CAMKMT: variants seen among roughly 807,000 people sequenced by gnomAD.
The protein encoded by CAMKMT is CaM KMT.
In CAMKMT, 53 loss-of-function variants were observed where a neutral mutation model predicts 48.0. That is an observed-to-expected ratio of 1.10 (90% CI 0.89 to 1.39). The LOEUF is 1.39. Among genes scored for constraint, CAMKMT ranks in the 40% most tolerant of loss-of-function variants. The probability of loss-of-function intolerance (pLI) is 0.00; values close to 1 mark genes in which losing one functional copy is unlikely to be tolerated. For synonymous variants in CAMKMT, 165 were observed against 152.3 expected, an observed-to-expected ratio of 1.08 and a Z score of -0.61; for missense variants, 428 against 402.7, an observed-to-expected ratio of 1.06 and a Z score of -0.54.
chr2:44,561,533 A>G (rs72881162), intron 3 of CAMKMT, among the ~76,000 whole-genome samples: 3,525 of 152,280 alleles, frequency 0.023, 124 homozygotes, highest in African/African-American at 0.074. Context: ...ACATTTCCCA[A>G]TATAATTCTT....
At chr2:44,707,552 G>A in intron 6 of CAMKMT, 90 bp downstream of exon 6, 1 of 1,089,556 alleles carries the variant, frequency 9.2e-7, no homozygotes, top group Non-Finnish European at 1.3e-6. Flanking sequence ...ACAGCATGGG[G>A]TATTAAAAGA....
Position 44,772,429 on chromosome 2 carries a change from A to G in CAMKMT, c.*316A>G, listed in dbSNP as rs1339033037. The G allele has an allele frequency of 1.3e-5, 3 of 224,486 alleles. No homozygotes were observed. Among genetic ancestry groups the G allele is most frequent in the Non-Finnish European group, 2.5e-5 (3 of 118,082 alleles). The allele number at this position is 224,486 out of a possible 1,614,324, so 13.9% of individuals were successfully genotyped here. ...CTAAATATTTTTCCCTGTAATTGAG[A>G]CAGAATTTCTTTTGATGATACCCAT... On this transcript the variant is annotated 3_prime_UTR_variant, in exon 11 of 11. Coordinates refer to ENST00000378494, the MANE Select transcript of CAMKMT (RefSeq NM_024766.5).
chr2:44,443,727 T>C (rs1018221807), intron 3 of CAMKMT, among the ~76,000 whole-genome samples: 5 of 152,168 alleles, frequency 3.3e-5, no homozygotes, highest in African/African-American at 1.2e-4. Flanking sequence ...TCTGTTAAAT[T>C]AGACTATGGG....
chr2:44,440,587 TAATA>T (rs1371216082), intron 3 of CAMKMT, among the ~76,000 whole-genome samples: 1 of 152,124 alleles, frequency 6.6e-6, no homozygotes, highest in Non-Finnish European at 1.5e-5. Flanking sequence ...AAATTTAATT[TAATA>T]AATTAAATCA....
intron 3 of CAMKMT, among the ~76,000 whole-genome samples, chr2:44,697,810 G>A (rs886409004): frequency 2.2e-4 from 33 of 152,260 alleles, no homozygotes; most frequent in African/African-American, 7.7e-4. Flanking sequence ...TGCACAGTGA[G>A]GGGTCAGTAG....
At position 44,552,373 on chromosome 2, in the gene CAMKMT, C is replaced by G. The variant is rs115093327; in HGVS notation, c.377-151910C>G. Among the ~76,000 whole-genome samples the G allele has an allele frequency of 2.0e-3, 310 of 152,126 alleles. 1 individual carries two copies. Among genetic ancestry groups the G allele is most frequent in the African/African-American group, 7.2e-3 (297 of 41,480 alleles). On this transcript the variant is annotated intron_variant, in intron 3 of 10. Coordinates refer to ENST00000378494, the MANE Select transcript of CAMKMT (RefSeq NM_024766.5). ...CATTAACAAGACAGGCAAACTGAAC[C>G]AATTCATTTACCTATCTAGTGCTTG...
In CAMKMT at chr2:44,682,913, A is replaced by C. The variant is rs1260206034; in HGVS notation, c.377-21370A>C. On this transcript the variant is annotated intron_variant, in intron 3 of 10. Transcript: ENST00000378494. ...TTGTTGGAATCTGCTACAAACTCTT[A>C]ATTGCAAGACAAATTACATGTAGAC... Among the ~76,000 whole-genome samples, 3 of 152,350 alleles carry C rather than the reference A, an allele frequency of 2.0e-5. No individual in the cohort carries two copies. In the East Asian group the frequency reaches 5.8e-4, roughly 29 times the overall value.
chr2:44,460,902 T>C (rs185658442), intron 3 of CAMKMT, among the ~76,000 whole-genome samples: 27 of 152,116 alleles, frequency 1.8e-4, no homozygotes, highest in Admixed American at 1.2e-3. Flanking sequence ...TTTGTACTTT[T>C]GGTAAAGATG....
At chr2:44,527,792 C>CCG (rs1429007756) in intron 3 of CAMKMT, among the ~76,000 whole-genome samples, 1 of 134,534 alleles carries the variant, frequency 7.4e-6, no homozygotes. Context: ...ACAGCCCCCC[C>CCG]CCCCATTATC....
intron 3 of CAMKMT, among the ~76,000 whole-genome samples, chr2:44,477,838 G>A (rs1668766026): frequency 6.6e-6 from 1 of 152,190 alleles, no homozygotes; most frequent in South Asian, 2.1e-4. Flanking sequence ...AATGGTACAG[G>A]TATAGGCTAA....
At chr2:44,685,360 C>T (rs1424772953) in intron 3 of CAMKMT, among the ~76,000 whole-genome samples, 1 of 152,108 alleles carries the variant, frequency 6.6e-6, no homozygotes, top group Non-Finnish European at 1.5e-5. Flanking sequence ...AGGGAGAAAG[C>T]AATGGGCAAA....
At chr2:44,537,493 G>A (rs1666840507) in intron 3 of CAMKMT, among the ~76,000 whole-genome samples, 1 of 152,178 alleles carries the variant, frequency 6.6e-6, no homozygotes, top group South Asian at 2.1e-4. Context: ...ACGTCAGTTA[G>A]AATGGCTGTT....
chr2:44,534,082 C>G (rs1020345510), intron 3 of CAMKMT, among the ~76,000 whole-genome samples: 3 of 152,022 alleles, frequency 2.0e-5, no homozygotes, highest in Non-Finnish European at 2.9e-5. Flanking sequence ...AATAGCTATA[C>G]TTACATAAAA....
At chr2:44,640,967 A>C (rs1228212639) in intron 3 of CAMKMT, among the ~76,000 whole-genome samples, 2 of 152,180 alleles carry the variant, frequency 1.3e-5, no homozygotes, top group African/African-American at 4.8e-5. Context: ...AGAGTGACCA[A>C]GGCCACTTGG....
intron 3 of CAMKMT, among the ~76,000 whole-genome samples, chr2:44,573,471 C>T (rs940190582): frequency 4.6e-5 from 7 of 151,650 alleles, no homozygotes; most frequent in Non-Finnish European, 1.0e-4. Flanking sequence ...TGTGTGGATT[C>T]CATTCATTCT....
chr2:44,584,842 C>G (rs1669761761), intron 3 of CAMKMT, among the ~76,000 whole-genome samples: 1 of 152,022 alleles, frequency 6.6e-6, no homozygotes, highest in African/African-American at 2.4e-5. Flanking sequence ...ATCACGAGGT[C>G]AGGAGATCAA....
intron 3 of CAMKMT, among the ~76,000 whole-genome samples, chr2:44,461,139 C>A (rs190375519): frequency 6.6e-6 from 1 of 152,174 alleles, no homozygotes; most frequent in African/African-American, 2.4e-5. Flanking sequence ...GGTTTCCAGA[C>A]GGTCTAAAAA....
intron 3 of CAMKMT, among the ~76,000 whole-genome samples, chr2:44,665,425 A>G (rs983698811): frequency 2.0e-5 from 3 of 152,152 alleles, no homozygotes; most frequent in African/African-American, 7.2e-5. Context: ...AGAGTATACT[A>G]TAGGGGAAAG....
chr2:44,596,316 G>C (rs911602155), intron 3 of CAMKMT, among the ~76,000 whole-genome samples: 4 of 151,988 alleles, frequency 2.6e-5, no homozygotes, highest in Non-Finnish European at 2.9e-5. Flanking sequence ...TGGCGTGGTG[G>C]TATGTGCCTG....
Sources: allele counts gnomAD v4.1 joint callset (sites outside exome capture counted in the v4.1 genomes callset), GRCh38; gene constraint gnomAD v4.1.1; transcripts MANE v1.5; gene names NCBI Gene and HGNC (gene_info 2026-07-23, HGNC 2026-07-21).